Variants in KRCC1 observed in about 807,000 individuals in gnomAD.
KRCC1 encodes lysine-rich coiled-coil protein 1.
In KRCC1, 3 loss-of-function variants were observed where a neutral mutation model predicts 7.4. That is an observed-to-expected ratio of 0.40 (90% confidence interval 0.18 to 1.04). The LOEUF (loss-of-function observed/expected upper bound fraction) is 1.04. Among genes scored for constraint, KRCC1 ranks in the 50% least tolerant of loss-of-function variants. The probability of loss-of-function intolerance (pLI) is 0.33; values close to 1 mark genes in which losing one functional copy is unlikely to be tolerated. For synonymous variants in KRCC1, 102 were observed against 101.6 expected, an observed-to-expected ratio of 1.00 and a Z score of -0.02; for missense variants, 277 against 300.9, an observed-to-expected ratio of 0.92 and a Z score of 0.59.
intron 3 of KRCC1, among the ~76,000 whole-genome samples, chr2:88,031,031 A>G (rs1672981040): frequency 6.6e-6 from 1 of 152,024 alleles, no homozygotes; most frequent in Admixed American, 6.6e-5. Flanking sequence ...AAGATTTGAT[A>G]ACTGGTTTAT....
Position 88,040,097 on chromosome 2 carries a change from A to C in KRCC1, c.-290-3046T>G, listed in dbSNP as rs115775726. Among the ~76,000 whole-genome samples the C allele has an allele frequency of 7.7e-3, 1,167 of 152,320 alleles. 13 individuals are homozygous for C. The highest frequency in any genetic ancestry group is 0.027 in the African/African-American group (1,136 of 41,570). On this transcript the variant is annotated intron_variant, in intron 1 of 3. Coordinates refer to ENST00000347055, the MANE Select transcript of KRCC1 (RefSeq NM_016618.3). ...AGCTTACTGAGGACTAGTTATTTAG[A>C]AGCTCAAGATATCTTAAAATAGAAC...
At chr2:88,050,819 T>A (rs548229070) in intron 1 of KRCC1, among the ~76,000 whole-genome samples, 1 of 152,272 alleles carries the variant, frequency 6.6e-6, no homozygotes, top group African/African-American at 2.4e-5. Context: ...TCTAAGTATG[T>A]CTATTTCTTT....
rs1673606258 is a variant in KRCC1 at position 88,055,652 on chromosome 2, A to C, written c.-317T>G. On this transcript the variant is annotated 5_prime_UTR_variant, in exon 1 of 4. Transcript: ENST00000347055. ...TTCTCTGAGGCAGGGGCGGGCGTCT[A>C]CAACTACTGTCCCCCGCCCCGCCAA... 1 of 152,010 alleles carries C rather than the reference A, an allele frequency of 6.6e-6. No individual in the cohort carries two copies. Among genetic ancestry groups the C allele is most frequent in the Non-Finnish European group, 1.5e-5 (1 of 68,138 alleles). The allele number at this position is 152,010 out of a possible 1,614,324, so 9.4% of individuals were successfully genotyped here.
chr2:88,051,399 G>T (rs199693476), intron 1 of KRCC1, among the ~76,000 whole-genome samples: 1 of 105,548 alleles, frequency 9.5e-6, no homozygotes, highest in Non-Finnish European at 2.5e-5. Context: ...CTGGAAACAT[G>T]ACAATTCTTT....
At chr2:88,049,811 C>G (rs1477453042) in intron 1 of KRCC1, among the ~76,000 whole-genome samples, 1 of 152,224 alleles carries the variant, frequency 6.6e-6, no homozygotes, top group Non-Finnish European at 1.5e-5. Flanking sequence ...AACAAATAAT[C>G]ATTAATGTTT....
At chr2:88,034,892 A>G (rs1191365419) in intron 2 of KRCC1, among the ~76,000 whole-genome samples, 1 of 152,078 alleles carries the variant, frequency 6.6e-6, no homozygotes, top group African/African-American at 2.4e-5. Flanking sequence ...TATAAGTGAG[A>G]TCATATGGTA....
intron 1 of KRCC1, 130 bp downstream of exon 1, chr2:88,055,496 C>A (rs532806804): frequency 6.6e-6 from 1 of 152,090 alleles, no homozygotes; most frequent in Non-Finnish European, 1.5e-5. Flanking sequence ...GGGACTCGGG[C>A]CGCGCCCTGG....
intron 1 of KRCC1, among the ~76,000 whole-genome samples, chr2:88,041,765 TTA>T (rs1451263012): frequency 2.0e-5 from 3 of 152,194 alleles, no homozygotes; most frequent in African/African-American, 7.2e-5. Context: ...GGTTGCAGCA[TTA>T]TATAGTTTGA....
chr2:88,047,831 C>A (rs948992934), intron 1 of KRCC1, among the ~76,000 whole-genome samples: 2 of 152,016 alleles, frequency 1.3e-5, no homozygotes, highest in Non-Finnish European at 2.9e-5. Flanking sequence ...GTTTGGCCAG[C>A]ATAATAGGTT....
intron 1 of KRCC1, among the ~76,000 whole-genome samples, chr2:88,050,455 T>C (rs1412019749): frequency 6.6e-6 from 1 of 152,136 alleles, no homozygotes; most frequent in Non-Finnish European, 1.5e-5. Context: ...ATCCTGTCTC[T>C]ACTAATAAAA....
At chr2:88,034,024 G>A (rs1220124687) in intron 3 of KRCC1, 110 bp downstream of exon 3, 1 of 152,602 alleles carries the variant, frequency 6.6e-6, no homozygotes, top group African/African-American at 2.4e-5. Flanking sequence ...ACTGATATAT[G>A]CTACAACACA....
At position 88,027,894 on chromosome 2, in the gene KRCC1, C is replaced by T. The variant is rs369453608; in HGVS notation, c.670G>A (p.Asp224Asn). The change falls in exon 4 of 4, where the codon GAT (aspartate) becomes AAT (asparagine). Residue 224 changes from aspartate to asparagine, a missense_variant. Coordinates refer to ENST00000347055, the MANE Select transcript of KRCC1 (RefSeq NM_016618.3). The stretch of plus-strand genomic sequence containing the variant: ...CGTTCCTCTTTCTTAGAGACTACAT[C>T]TCGGCTTTTTTTCTCCTTTCGATTC... ...LKNRKEKKSR[D>N]VVSKKEERKR... 6.2e-7 allele frequency: 1 copy of T among 1,614,004 alleles called. No individual in the cohort carries two copies. The highest frequency in any genetic ancestry group is 1.3e-5 in the African/African-American group (1 of 75,028).
rs1459460429 is a variant in KRCC1 at position 88,027,718 on chromosome 2, A to T, written c.*66T>A. On this transcript the variant is annotated 3_prime_UTR_variant, in exon 4 of 4. Transcript: ENST00000347055. ...CATAAGAAAAGTGGTATGAACACGG[A>T]TATCATAAAACCAAGCTCTCACCTA... 1 of 1,391,492 alleles carries T rather than the reference A, an allele frequency of 7.2e-7. No individual in the cohort carries two copies. The highest frequency in any genetic ancestry group is 9.8e-7 in the Non-Finnish European group (1 of 1,024,316). The allele number at this position is 1,391,492 out of a possible 1,614,324, so 86.2% of individuals were successfully genotyped here.
chr2:88,052,790 CTT>C (rs1378014278), intron 1 of KRCC1, among the ~76,000 whole-genome samples: 1 of 152,170 alleles, frequency 6.6e-6, no homozygotes, highest in African/African-American at 2.4e-5. Flanking sequence ...TGTTAGTATA[CTT>C]GTGTCTGCAA....
At chr2:88,032,984 C>A (rs1484154515) in intron 3 of KRCC1, among the ~76,000 whole-genome samples, 1 of 151,854 alleles carries the variant, frequency 6.6e-6, no homozygotes, top group Admixed American at 6.6e-5. Flanking sequence ...AGAGTACATA[C>A]GATATGATTC....
chr2:88,027,728 A>G lies in KRCC1; in HGVS notation c.*56T>C. 6.7e-7 allele frequency: 1 copy of G among 1,481,650 alleles called. No individual in the cohort carries two copies. The highest frequency in any genetic ancestry group is 2.3e-5 in the Admixed American group (1 of 43,604). 91.8% of individuals were successfully genotyped at this position (1,481,650 alleles called of 1,614,324 possible). On this transcript the variant is annotated 3_prime_UTR_variant, in exon 4 of 4. Coordinates refer to ENST00000347055, the MANE Select transcript of KRCC1 (RefSeq NM_016618.3). Reference sequence around the variant, plus strand: ...GTGGTATGAACACGGATATCATAAAACCAAGCTCTCACCTATTTTTTCAAT... The same window carrying G: ...GTGGTATGAACACGGATATCATAAAGCCAAGCTCTCACCTATTTTTTCAAT...
chr2:88,047,324 C>T (rs1573084389), intron 1 of KRCC1, among the ~76,000 whole-genome samples: 2 of 152,300 alleles, frequency 1.3e-5, no homozygotes, highest in Middle Eastern at 3.4e-3. Context: ...CTCAAGCGAT[C>T]CTCCTGCCTC....
intron 3 of KRCC1, among the ~76,000 whole-genome samples, chr2:88,032,340 AT>A (rs1051302178): frequency 1.3e-5 from 2 of 151,766 alleles, no homozygotes; most frequent in African/African-American, 4.8e-5. Flanking sequence ...TTCATACCAC[AT>A]TTTTACTGTG....
intron 3 of KRCC1, among the ~76,000 whole-genome samples, chr2:88,028,861 G>C (rs1672938464): frequency 6.6e-6 from 1 of 151,970 alleles, no homozygotes; most frequent in African/African-American, 2.4e-5. Flanking sequence ...ATGTTGACCA[G>C]GCTGGTCTCA....
Sources: gnomAD v4.1 joint callset for allele counts (sites outside exome capture counted in the v4.1 genomes callset) on GRCh38, gnomAD v4.1.1 for gene constraint, MANE v1.5 for transcripts, NCBI Gene and HGNC (gene_info 2026-07-23, HGNC 2026-07-21) for gene names.